GLP1R: variants seen among roughly 807,000 people sequenced by gnomAD.
GLP1R encodes the protein glucagon-like peptide 1 receptor.
In GLP1R, 32 loss-of-function variants were observed where a neutral mutation model predicts 68.4. The observed-to-expected ratio is 0.47, with a 90% CI of 0.35 to 0.63. GLP1R has a LOEUF of 0.63. Ranked by LOEUF, GLP1R falls within the 20% of genes least tolerant of loss-of-function variation. The pLI, the probability that GLP1R is intolerant of heterozygous loss-of-function variation, is 0.00. For missense variants in GLP1R, 502 were observed against 594.9 expected (o/e 0.84, Z 1.62); for synonymous variants, 263 against 244.4 (o/e 1.08, Z -0.71).
Position 39,080,682 on chromosome 6 carries a change from T to C in GLP1R, c.1183-16T>C. 1 of 1,585,944 alleles carries C rather than the reference T, an allele frequency of 6.3e-7. No homozygotes were observed. The highest frequency in any genetic ancestry group is 8.6e-7 in the Non-Finnish European group (1 of 1,162,004). On this transcript the variant is annotated splice_polypyrimidine_tract_variant and intron_variant, in intron 11 of 12. Coordinates refer to ENST00000373256, the MANE Select transcript of GLP1R (RefSeq NM_002062.5). Reference sequence around the variant, plus strand: ...CCCTCCTGCTTCCTCCCTCTTGATGTGACTCTTGTTTCCAGGGGCTGATGG... The same window carrying C: ...CCCTCCTGCTTCCTCCCTCTTGATGCGACTCTTGTTTCCAGGGGCTGATGG...
chr6:39,062,988 G>A (rs923578791), intron 3 of GLP1R, among the ~76,000 whole-genome samples: 1 of 152,246 alleles, frequency 6.6e-6, no homozygotes, highest in Non-Finnish European at 1.5e-5. Flanking sequence ...CAACAAGGCA[G>A]TGCCTACTGT....
intron 12 of GLP1R, among the ~76,000 whole-genome samples, chr6:39,084,484 T>TC (rs1002594330): frequency 2.0e-5 from 3 of 151,600 alleles, no homozygotes; most frequent in Non-Finnish European, 2.9e-5. Context: ...TTACCATCTT[T>TC]CCCCCCCTCT....
chr6:39,078,447 C>T (rs1284433621), intron 8 of GLP1R, 65 bp downstream of exon 8: 2 of 1,117,104 alleles, frequency 1.8e-6, no homozygotes, highest in Non-Finnish European at 2.8e-6. Context: ...CATGGGATTC[C>T]TTGGTACCTG....
chr6:39,061,000 T>C (rs1583622265), intron 3 of GLP1R, among the ~76,000 whole-genome samples: 1 of 152,060 alleles, frequency 6.6e-6, no homozygotes, highest in Non-Finnish European at 1.5e-5. Context: ...CAGGGACAGG[T>C]GACACTGGGG....
chr6:39,089,056 A>G lies in GLP1R; in HGVS notation c.*2983A>G. Among the ~76,000 whole-genome samples the G allele has an allele frequency of 6.6e-6, 1 of 152,248 alleles. No individual in the cohort carries two copies. The highest frequency in any genetic ancestry group is 2.1e-4 in the South Asian group (1 of 4,836). ...ATCTGGAATTTCTACTGAAGAGGAA[A>G]TACAGCAGCAAAGGTAGACTCATCA... On this transcript the variant is annotated 3_prime_UTR_variant, in exon 13 of 13. Transcript: ENST00000373256. This position sits in a 1 kb window ranked among gnomAD's most constrained non-coding sequence, Gnocchi z 4.1.
intron 5 of GLP1R, 33 bp downstream of exon 5, chr6:39,066,336 T>G: frequency 8.4e-7 from 1 of 1,193,194 alleles, no homozygotes; most frequent in Non-Finnish European, 1.3e-6. Flanking sequence ...AGGGGGCTGC[T>G]TCATCCTAAC....
chr6:39,065,767 G>A lies in GLP1R; in HGVS notation c.340G>A (p.Asp114Asn). 6.3e-7 allele frequency: 1 copy of A among 1,591,268 alleles called. No individual in the cohort carries two copies. Residue 114 changes from aspartate (D) to asparagine (N), a missense_variant, in exon 4 of 13, where the codon GAC (aspartate) becomes AAC (asparagine). Asp to Asn is a conservative substitution (Grantham distance 23). Transcript: ENST00000373256. ...AGCTGAAGGCCTCTGGCTGCAGAAGGACAACTCCAGCCTGCCCTGGAGGGA... is the reference window on the plus strand; with the variant it reads ...AGCTGAAGGCCTCTGGCTGCAGAAGAACAACTCCAGCCTGCCCTGGAGGGA... ...CTAEGLWLQK[D>N]NSSLPWRDLS...
rs926389360 is a variant in GLP1R, at chr6:39,087,696, A to G, written c.*1623A>G. ...TCAGAGAGGCATGTGATGTGCAAGG[A>G]AAATAATAGGATATAAAACACATCA... is the stretch of plus-strand genomic sequence containing the variant. On this transcript the variant is annotated 3_prime_UTR_variant, in exon 13 of 13. Coordinates refer to ENST00000373256, the MANE Select transcript of GLP1R (RefSeq NM_002062.5). The G allele has an allele frequency of 6.6e-6, 1 of 152,234 alleles. No individual in the cohort carries two copies. The highest frequency in any genetic ancestry group is 1.5e-5 in the Non-Finnish European group (1 of 68,052). The allele number at this position is 152,234 out of a possible 1,614,324, so 9.4% of individuals were successfully genotyped here. A position where few individuals can be genotyped will look rare whatever the true frequency, so the allele number is the denominator to read the frequency against.
chr6:39,056,612 C>A (rs1195412905), intron 2 of GLP1R, 119 bp downstream of exon 2: 3 of 594,310 alleles, frequency 5.0e-6, no homozygotes, highest in Non-Finnish European at 9.4e-6. Flanking sequence ...GCCACCCCTG[C>A]CCTCTGCCTT....
chr6:39,069,983 G>A (rs1406182983), intron 5 of GLP1R, among the ~76,000 whole-genome samples: 4 of 152,180 alleles, frequency 2.6e-5, no homozygotes, highest in African/African-American at 9.6e-5. Context: ...TTCTGAGATG[G>A]TGTCTTCTCA....
chr6:39,053,142 G>A (rs972467744), intron 1 of GLP1R, among the ~76,000 whole-genome samples: 3 of 152,186 alleles, frequency 2.0e-5, no homozygotes, highest in Non-Finnish European at 2.9e-5. Flanking sequence ...CCCTCTGACC[G>A]CTGCTTTGCT....
chr6:39,057,139 C>T (rs947586125), intron 2 of GLP1R, among the ~76,000 whole-genome samples: 1 of 152,186 alleles, frequency 6.6e-6, no homozygotes, highest in South Asian at 2.1e-4. Context: ...TAAGAATAGG[C>T]CCATAGGGAT....
At chr6:39,063,943 A>ACACACG (rs1562007990) in intron 3 of GLP1R, among the ~76,000 whole-genome samples, 2 of 146,196 alleles carry the variant, frequency 1.4e-5, no homozygotes, top group Admixed American at 1.3e-4. Context: ...ACACACACAC[A>ACACACG]CACACACACA....
Position 39,086,251 on chromosome 6 carries a change from C to T in GLP1R, c.*178C>T. The T allele has an allele frequency of 1.8e-6, 1 of 570,224 alleles. No homozygotes were observed. The highest frequency in any genetic ancestry group is 3.1e-6 in the Non-Finnish European group (1 of 325,018). The allele number at this position is 570,224 out of a possible 1,614,324, so 35.3% of individuals were successfully genotyped here. On this transcript the variant is annotated 3_prime_UTR_variant, in exon 13 of 13. Coordinates refer to ENST00000373256, the MANE Select transcript of GLP1R (RefSeq NM_002062.5). The surrounding 1 kb of genome is among the most constrained non-coding windows in gnomAD (Gnocchi z 4.5). ...CAAACCCATCAGACAGGTAAATGGG[C>T]AGTGCCTCCTGGGACCATGGACACA...
At chr6:39,073,237 C>G (rs1166834636) in intron 6 of GLP1R, among the ~76,000 whole-genome samples, 1 of 152,196 alleles carries the variant, frequency 6.6e-6, no homozygotes, top group Non-Finnish European at 1.5e-5. Flanking sequence ...GGAGGAGACA[C>G]TGCCCTAGGG....
At position 39,049,426 on chromosome 6, in the gene GLP1R, G is replaced by T. The variant is rs1162326569; in HGVS notation, c.78+508G>T. 6.6e-6 allele frequency among the ~76,000 whole-genome samples: 1 copy of T among 152,126 alleles called. No individual in the cohort carries two copies. The highest frequency in any genetic ancestry group is 1.9e-4 in the East Asian group (1 of 5,176). On this transcript the variant is annotated intron_variant, in intron 1 of 12. Transcript: ENST00000373256. This position sits in a 1 kb window ranked among gnomAD's most constrained non-coding sequence, Gnocchi z 4.5. ...GAGAGGGCCAGGGTGCGGAGACCCG[G>T]CTCCTCTCCCTTTCTCATCAGCCCC...
At chr6:39,058,594 C>T (rs565133647) in intron 3 of GLP1R, among the ~76,000 whole-genome samples, 2 of 152,288 alleles carry the variant, frequency 1.3e-5, no homozygotes, top group Admixed American at 1.3e-4. Flanking sequence ...CAAGCACCCT[C>T]ATGGCAAGGA....
intron 3 of GLP1R, 93 bp downstream of exon 3, chr6:39,057,672 G>C: frequency 1.6e-6 from 1 of 608,416 alleles, no homozygotes; most frequent in Non-Finnish European, 2.9e-6. Flanking sequence ...GCAGTGGTGA[G>C]CCCCCTCCCC....
intron 5 of GLP1R, among the ~76,000 whole-genome samples, chr6:39,072,579 T>C (rs1159100969): frequency 6.6e-6 from 1 of 152,242 alleles, no homozygotes; most frequent in Non-Finnish European, 1.5e-5. Flanking sequence ...TCTTTGGTTA[T>C]GCAAGACTTT....
Sources: gnomAD v4.1 joint callset for allele counts (sites outside exome capture counted in the v4.1 genomes callset) on GRCh38, gnomAD v4.1.1 for gene constraint, Gnocchi (gnomAD v3.1) non-coding constraint, MANE v1.5 for transcripts, NCBI Gene and HGNC (gene_info 2026-07-23, HGNC 2026-07-21) for gene names.